The following NR3C1 variants were observed in gnomAD, a reference collection of about 807,000 sequenced individuals.
NR3C1 encodes the protein glucocorticoid receptor.
NR3C1 carries 14 observed loss-of-function variants against 74.0 expected under a neutral mutation model. The ratio of observed to expected loss-of-function variants is 0.19; its 90% CI spans 0.12 to 0.30. NR3C1 has a LOEUF of 0.30. Among genes scored for constraint, NR3C1 ranks in the 10% least tolerant of loss-of-function variants. NR3C1 has a pLI of 1.00. For synonymous variants in NR3C1, 308 were observed against 332.5 expected (o/e 0.93, Z 0.80); for missense variants, 695 against 909.8 (o/e 0.76, Z 3.04).
At chr5:143,348,430 T>C (rs931578511) in intron 2 of NR3C1, among the ~76,000 whole-genome samples, 14 of 152,196 alleles carry the variant, frequency 9.2e-5, no homozygotes, top group Non-Finnish European at 1.6e-4. Context: ...CTTGCTTTCC[T>C]ATCGATTCGT....
intron 2 of NR3C1, among the ~76,000 whole-genome samples, chr5:143,348,397 T>C (rs1829673098): frequency 6.6e-6 from 1 of 152,200 alleles, no homozygotes; most frequent in Admixed American, 6.5e-5. Flanking sequence ...TGCTACATTT[T>C]ATTTGTAACC....
At chr5:143,294,381 C>T (rs1816661102) in intron 7 of NR3C1, 1 of 849,190 alleles carries the variant, frequency 1.2e-6, no homozygotes, top group African/African-American at 1.8e-5. Flanking sequence ...ATAATACCAA[C>T]TAGTTCATAG....
At chr5:143,306,031 G>C (rs1819526837) in intron 4 of NR3C1, among the ~76,000 whole-genome samples, 1 of 152,068 alleles carries the variant, frequency 6.6e-6, no homozygotes, top group Non-Finnish European at 1.5e-5. Context: ...CCATACTTTG[G>C]ATTGATTACA....
At chr5:143,335,644 C>G (rs1600078927) in intron 2 of NR3C1, among the ~76,000 whole-genome samples, 1 of 152,160 alleles carries the variant, frequency 6.6e-6, no homozygotes, top group Admixed American at 6.5e-5. Flanking sequence ...CTAATTTGCA[C>G]CTTGCTTTTT....
intron 4 of NR3C1, among the ~76,000 whole-genome samples, chr5:143,303,303 G>T (rs1307434098): frequency 6.6e-6 from 1 of 150,790 alleles, no homozygotes; most frequent in South Asian, 2.1e-4. Context: ...GCTGACCCCC[G>T]TATATATAAA....
At chr5:143,430,495 A>G (rs937681081) in intron 1 of NR3C1, among the ~76,000 whole-genome samples, 3 of 152,242 alleles carry the variant, frequency 2.0e-5, no homozygotes, top group Admixed American at 6.5e-5. Flanking sequence ...CCCAAAATTC[A>G]TACGTTGAAA....
intron 3 of NR3C1, among the ~76,000 whole-genome samples, chr5:143,311,239 G>T (rs748140631): frequency 1.3e-5 from 2 of 151,994 alleles, no homozygotes; most frequent in African/African-American, 4.8e-5. Flanking sequence ...TGATGAAGTG[G>T]TTATAATACA....
chr5:143,393,604 C>G (rs1838679006), intron 2 of NR3C1, among the ~76,000 whole-genome samples: 1 of 151,974 alleles, frequency 6.6e-6, no homozygotes, highest in Non-Finnish European at 1.5e-5. Context: ...AAGCTCTTAT[C>G]CTCAATAATT....
chr5:143,285,216 A>C (rs1448498265), intron 7 of NR3C1, among the ~76,000 whole-genome samples: 1 of 152,148 alleles, frequency 6.6e-6, no homozygotes, highest in East Asian at 1.9e-4. Flanking sequence ...GGAAAGAAAG[A>C]TCTAATTAAA....
rs1482909200 is a variant in NR3C1, at chr5:143,411,106, G to A, written c.-13-10254C>T. Among the ~76,000 whole-genome samples the A allele has an allele frequency of 5.3e-5, 8 of 152,184 alleles. No homozygotes were observed. The East Asian group carries it at 1.5e-3, about 29-fold the overall frequency. ...AGTTATTTCTGTCTGTTCTGTATAA[G>A]AACATACCATACGATGGTATGATGC... On this transcript the variant is annotated intron_variant, in intron 1 of 8. Transcript: ENST00000343796.
At chr5:143,421,683 T>G (rs1359472585) in intron 1 of NR3C1, among the ~76,000 whole-genome samples, 1 of 152,004 alleles carries the variant, frequency 6.6e-6, no homozygotes, top group Non-Finnish European at 1.5e-5. Flanking sequence ...TTTCAGCCAC[T>G]TGGGAGGCTG....
Position 143,403,660 on chromosome 5 carries a change from AC to A in NR3C1, c.-464del. The A allele has an allele frequency of 1.0e-6, 1 of 985,312 alleles. No homozygotes were observed. Among genetic ancestry groups the A allele is most frequent in the Non-Finnish European group, 1.2e-6 (1 of 829,834 alleles). The allele number at this position is 985,312 out of a possible 1,614,324, so 61.0% of individuals were successfully genotyped here. On this transcript the variant is annotated 5_prime_UTR_variant, in exon 1 of 9. Coordinates refer to ENST00000394464, the MANE Select transcript of NR3C1 (RefSeq NM_000176.3). ...AGCCCGGCCTGGGCGAGCGAGCGGG[AC>A]CGAGCGGGGAGCGGGTGGAGGCGGC...
At chr5:143,345,894 A>G (rs975151760) in intron 2 of NR3C1, among the ~76,000 whole-genome samples, 9 of 152,190 alleles carry the variant, frequency 5.9e-5, no homozygotes, top group Admixed American at 3.9e-4. Context: ...ACTCTTGTTT[A>G]TATCAATTAG....
chr5:143,295,739 AT>A, intron 6 of NR3C1, 149 bp from the exon 7 acceptor site: 1 of 678,016 alleles, frequency 1.5e-6, no homozygotes, highest in South Asian at 1.6e-5. Flanking sequence ...TAAAATCAGA[AT>A]TTTGGAGAAC....
chr5:143,391,181 A>G (rs955657597), intron 2 of NR3C1, among the ~76,000 whole-genome samples: 73 of 152,338 alleles, frequency 4.8e-4, no homozygotes, highest in African/African-American at 1.7e-3. Context: ...CTACAAACTT[A>G]GGTTCTACAT....
At chr5:143,420,122 T>C (rs1391648028) in intron 1 of NR3C1, among the ~76,000 whole-genome samples, 1 of 152,210 alleles carries the variant, frequency 6.6e-6, no homozygotes, top group African/African-American at 2.4e-5. Context: ...ACCTGAACAA[T>C]TGCTGTTATC....
intron 1 of NR3C1, 133 bp from the exon 2 acceptor site, chr5:143,400,985 C>G: frequency 2.7e-6 from 2 of 744,296 alleles, no homozygotes; most frequent in South Asian, 3.0e-5. Context: ...TTCTTTGTTA[C>G]CAGAAGAGTA....
At chr5:143,405,308 G>T (rs1013877149), upstream of NR3C1, 30 of 985,524 alleles carry the variant, frequency 3.0e-5, no homozygotes, top group African/African-American at 5.1e-4. Flanking sequence ...TCCTGCTCGG[G>T]CGCTCGGCCA....
chr5:143,295,614 A>ATTAG, intron 6 of NR3C1, 24 bp from the exon 7 acceptor site: 2 of 1,589,550 alleles, frequency 1.3e-6, no homozygotes, highest in South Asian at 1.1e-5. Flanking sequence ...ATAGCAGGGT[A>ATTAG]TTAGTTAGAA....
Sources: allele counts gnomAD v4.1 joint callset (sites outside exome capture counted in the v4.1 genomes callset), GRCh38; gene constraint gnomAD v4.1.1; transcripts MANE v1.5; gene names NCBI Gene and HGNC (gene_info 2026-07-23, HGNC 2026-07-21).